NRXN1: variants seen among roughly 807,000 people sequenced by gnomAD.
NRXN1 encodes neurexin-1.
In NRXN1, 39 loss-of-function variants were observed where a neutral mutation model predicts 150.9. The ratio of observed to expected loss-of-function variants is 0.26; its 90% CI spans 0.20 to 0.34. The LOEUF is 0.34. Among genes scored for constraint, NRXN1 ranks in the 10% least tolerant of loss-of-function variants. The probability of loss-of-function intolerance (pLI) is 1.00; values close to 1 mark genes in which losing one functional copy is unlikely to be tolerated. For missense variants in NRXN1, 1,815 were observed against 1,949.9 expected (o/e 0.93, Z 1.30); for synonymous variants, 924 against 757.0 (o/e 1.22, Z -3.62).
At chr2:50,470,810 G>A (rs564719454) in intron 16 of NRXN1, among the ~76,000 whole-genome samples, 1 of 151,890 alleles carries the variant, frequency 6.6e-6, no homozygotes, top group South Asian at 2.1e-4. Context: ...AATCTGAGGT[G>A]TTGAAGTGAA....
intron 17 of NRXN1, among the ~76,000 whole-genome samples, chr2:50,445,679 C>T (rs2086339444): frequency 6.6e-6 from 1 of 152,128 alleles, no homozygotes; most frequent in Admixed American, 6.5e-5. Flanking sequence ...ATAATTGCCA[C>T]AATGTAGGTG....
chr2:50,843,152 G>T (rs1439601612), intron 5 of NRXN1, among the ~76,000 whole-genome samples: 2 of 152,102 alleles, frequency 1.3e-5, no homozygotes, highest in South Asian at 4.1e-4. Context: ...TGGACCCAGG[G>T]ACAAGAAACC....
At position 50,905,901 on chromosome 2, in the gene NRXN1, A is replaced by C. The variant is rs144399436; in HGVS notation, c.832+15968T>G. On this transcript the variant is annotated intron_variant, in intron 5 of 22. Coordinates refer to ENST00000401669, the MANE Select transcript of NRXN1 (RefSeq NM_001330078.2). ...TTAAATATTTAACACTATTGAATAG[A>C]AATAACTTCCCCAATATTGCTTCAT... Among the ~76,000 whole-genome samples, 410 of 152,260 alleles carry C rather than the reference A, an allele frequency of 2.7e-3. 1 individual carries two copies. Among genetic ancestry groups the C allele is most frequent in the African/African-American group, 9.5e-3 (394 of 41,560 alleles).
intron 8 of NRXN1, among the ~76,000 whole-genome samples, chr2:50,614,733 C>CAAAAAAA (rs33968907): frequency 2.0e-5 from 2 of 98,266 alleles, no homozygotes; most frequent in Non-Finnish European, 1.9e-5. Flanking sequence ...ATCAGCCATT[C>CAAAAAAA]AAAAAAAAAA....
At chr2:50,652,683 A>C (rs1172232129) in intron 5 of NRXN1, among the ~76,000 whole-genome samples, 1 of 152,054 alleles carries the variant, frequency 6.6e-6, no homozygotes, top group Non-Finnish European at 1.5e-5. Context: ...TTGTATAGAC[A>C]CATGTTTTCA....
At chr2:50,705,151 G>T (rs537506003) in intron 5 of NRXN1, among the ~76,000 whole-genome samples, 6 of 151,646 alleles carry the variant, frequency 4.0e-5, no homozygotes, top group Non-Finnish European at 8.8e-5. Context: ...TATCTAGTTT[G>T]CTGATAAGTT....
At chr2:50,595,091 T>G (rs1674941571) in intron 8 of NRXN1, among the ~76,000 whole-genome samples, 1 of 140,982 alleles carries the variant, frequency 7.1e-6, no homozygotes, top group Non-Finnish European at 1.6e-5. Flanking sequence ...TATGTTGGGG[T>G]GCACAAACAT....
At chr2:50,940,997 G>A (rs369415728) in intron 2 of NRXN1, among the ~76,000 whole-genome samples, 1 of 152,128 alleles carries the variant, frequency 6.6e-6, no homozygotes, top group African/African-American at 2.4e-5. Flanking sequence ...TGGGAGATTG[G>A]CCTGATGGGA....
chr2:50,056,421 T>C (rs1223697465), intron 19 of NRXN1, among the ~76,000 whole-genome samples: 2 of 152,128 alleles, frequency 1.3e-5, no homozygotes, highest in Admixed American at 1.3e-4. Context: ...TTTCACACAT[T>C]AATATTTAAT....
intron 18 of NRXN1, among the ~76,000 whole-genome samples, chr2:50,233,172 C>T (rs1260857082): frequency 6.6e-6 from 1 of 151,994 alleles, no homozygotes; most frequent in African/African-American, 2.4e-5. Flanking sequence ...CACTCATATT[C>T]TAGGTACTAT....
chr2:50,039,915 G>C (rs1393505631), intron 21 of NRXN1, among the ~76,000 whole-genome samples: 1 of 152,094 alleles, frequency 6.6e-6, no homozygotes, highest in Non-Finnish European at 1.5e-5. Flanking sequence ...CTTGATCCTA[G>C]AGGTGGAAAA....
intron 16 of NRXN1, among the ~76,000 whole-genome samples, chr2:50,468,556 C>T (rs542215298): frequency 3.7e-3 from 529 of 144,518 alleles, no homozygotes; most frequent in Non-Finnish European, 6.6e-3. Flanking sequence ...GAAAAAGCTA[C>T]AAGGACATTT....
chr2:50,368,503 A>C (rs544197408), intron 17 of NRXN1, among the ~76,000 whole-genome samples: 1 of 151,984 alleles, frequency 6.6e-6, no homozygotes, highest in Admixed American at 6.6e-5. Flanking sequence ...TAGTATCCAG[A>C]TCATGAGAGT....
chr2:50,745,304 C>G lies in NRXN1; in HGVS notation c.833-121689G>C, dbSNP rs983357570. Among the ~76,000 whole-genome samples, 6 of 145,788 alleles carry G rather than the reference C, an allele frequency of 4.1e-5. 1 individual carries two copies. The highest frequency in any genetic ancestry group is 1.0e-4 in the African/African-American group (4 of 39,254). Reference sequence around the variant, plus strand: ...TTATTTTTATATTTATATCTGCCCCCCCCCAGGACTGAAAAAAAACCACTT... The same window carrying G: ...TTATTTTTATATTTATATCTGCCCCGCCCCAGGACTGAAAAAAAACCACTT... On this transcript the variant is annotated intron_variant, in intron 5 of 22. Coordinates refer to ENST00000401669, the MANE Select transcript of NRXN1 (RefSeq NM_001330078.2).
chr2:50,418,183 G>C (rs1265645341), intron 17 of NRXN1, among the ~76,000 whole-genome samples: 1 of 151,922 alleles, frequency 6.6e-6, no homozygotes, highest in African/African-American at 2.4e-5. Flanking sequence ...ATGTAGGGAG[G>C]GGTTTCCTTC....
At chr2:50,472,554 G>A in intron 15 of NRXN1, 83 bp from the exon 16 acceptor site, 4 of 1,065,902 alleles carry the variant, frequency 3.8e-6, no homozygotes, top group Non-Finnish European at 5.3e-6. Context: ...AAAACAGGGA[G>A]GTTTATTTTT....
At chr2:50,825,182 A>G (rs1670283528) in intron 5 of NRXN1, among the ~76,000 whole-genome samples, 1 of 152,218 alleles carries the variant, frequency 6.6e-6, no homozygotes, top group Non-Finnish European at 1.5e-5. Context: ...GAAGACAAAT[A>G]TAATTCCTGC....
intron 19 of NRXN1, among the ~76,000 whole-genome samples, chr2:50,081,218 T>C (rs1697916246): frequency 6.6e-6 from 1 of 152,216 alleles, no homozygotes; most frequent in African/African-American, 2.4e-5. Context: ...ATTTTATCCT[T>C]TTTGATACTC....
intron 17 of NRXN1, among the ~76,000 whole-genome samples, chr2:50,351,733 T>G (rs888664697): frequency 2.0e-5 from 3 of 152,296 alleles, no homozygotes; most frequent in Admixed American, 6.5e-5. Context: ...CAAAATGATA[T>G]GAGGTAGGTA....
Sources: allele counts gnomAD v4.1 joint callset (sites outside exome capture counted in the v4.1 genomes callset), GRCh38; gene constraint gnomAD v4.1.1; transcripts MANE v1.5; gene names NCBI Gene and HGNC (gene_info 2026-07-23, HGNC 2026-07-21).